The following ITGAE variants were observed in gnomAD, a reference collection of about 807,000 sequenced individuals.
The protein encoded by ITGAE is integrin alpha-E.
A neutral mutation model predicts 136.5 loss-of-function variants in ITGAE; 99 were observed. That is an observed-to-expected ratio of 0.73 (90% CI 0.62 to 0.86). The LOEUF is 0.86. ITGAE is among the 40% of genes least tolerant of loss of function. ITGAE has a pLI of 0.00. For synonymous variants in ITGAE, 613 were observed against 591.8 expected (o/e 1.04, Z -0.52); for missense variants, 1,447 against 1,515.3 (o/e 0.95, Z 0.75).
chr17:3,774,027 G>A (rs1421883789), intron 2 of ITGAE, among the ~76,000 whole-genome samples: 1 of 152,098 alleles, frequency 6.6e-6, no homozygotes, highest in Admixed American at 6.5e-5. Context: ...CAGTATCACA[G>A]GATCCAAGTC....
At chr17:3,741,317 G>A (rs1387753843) in intron 19 of ITGAE, among the ~76,000 whole-genome samples, 6 of 150,240 alleles carry the variant, frequency 4.0e-5, no homozygotes, top group Non-Finnish European at 8.9e-5. Context: ...TCGATCTCCT[G>A]ACCTCATGAT....
chr17:3,752,488 A>G (rs886897939), intron 14 of ITGAE, among the ~76,000 whole-genome samples: 12 of 152,152 alleles, frequency 7.9e-5, no homozygotes, highest in African/African-American at 2.9e-4. Flanking sequence ...GGGCGCGGTG[A>G]CTCACGCCCA....
At chr17:3,778,640 A>AT (rs903325206) in intron 1 of ITGAE, among the ~76,000 whole-genome samples, 25 of 152,118 alleles carry the variant, frequency 1.6e-4, no homozygotes, top group Admixed American at 5.2e-4. Context: ...TTTATGTGTG[A>AT]TTTTTTTTAT....
At chr17:3,729,353 A>G (rs747583751) in intron 24 of ITGAE, 125 bp downstream of exon 24, 80 of 738,052 alleles carry the variant, frequency 1.1e-4, no homozygotes, top group Non-Finnish European at 1.7e-4. Flanking sequence ...GGTTCTAAGC[A>G]GGCTCCTCTC....
At chr17:3,754,904 T>TGCCCCGCCCTCACCCAGGTGGCCTCCAG (rs2051966760) in intron 12 of ITGAE, among the ~76,000 whole-genome samples, 1 of 53,126 alleles carries the variant, frequency 1.9e-5, no homozygotes, top group East Asian at 4.9e-4. Context: ...GTGGCCTCCA[T>TGCCCCGCCCTCACCCAGGTGGCCTCCAG]GCCCCGCCCT....
At chr17:3,743,702 T>C (rs2051642307) in intron 18 of ITGAE, 85 bp from the exon 19 acceptor site, 2 of 1,304,994 alleles carry the variant, frequency 1.5e-6, no homozygotes, top group Non-Finnish European at 2.0e-6. Flanking sequence ...TTTTTCTTTT[T>C]TTCTTTTTTT....
rs532132211 is a variant in ITGAE at position 3,729,528 on chromosome 17, G to A, written c.2862C>T (p.Asn954=). The A allele has an allele frequency of 6.2e-6, 10 of 1,609,782 alleles. No individual in the cohort carries two copies. The highest frequency in any genetic ancestry group is 1.1e-5 in the South Asian group (1 of 90,958). Residue 954 remains asparagine (N), a synonymous_variant, in exon 24 of 31, where the codon AAC becomes AAT. Transcript: ENST00000263087. ...GCCTGAATTGAAGGGTGTGGGTCTC[G>A]TTGGCCAAAGACCGTCTTTCATTGG... ...TNSNERRSLA[N]ETHTLQFRHG...
chr17:3,726,009 C>A, intron 26 of ITGAE: 1 of 1,613,988 alleles, frequency 6.2e-7, no homozygotes, highest in Middle Eastern at 1.6e-4. Context: ...CACCCTGTCG[C>A]GCTTGGAACG....
chr17:3,791,741 A>G (rs1170107162), intron 1 of ITGAE, among the ~76,000 whole-genome samples: 2 of 152,202 alleles, frequency 1.3e-5, no homozygotes, highest in Admixed American at 1.3e-4. Flanking sequence ...ATGAATCAGA[A>G]TGGGGCTGGG....
intron 29 of ITGAE, among the ~76,000 whole-genome samples, chr17:3,719,701 T>C (rs1424528450): frequency 6.7e-6 from 1 of 148,702 alleles, no homozygotes; most frequent in African/African-American, 2.6e-5. Flanking sequence ...CAAAAAACAA[T>C]TTCTCACTTA....
intron 1 of ITGAE, among the ~76,000 whole-genome samples, chr17:3,783,991 C>T (rs958978764): frequency 8.5e-5 from 13 of 152,154 alleles, no homozygotes; most frequent in South Asian, 2.1e-4. Context: ...CGGGGCGCGG[C>T]GGCTCACGCC....
chr17:3,792,212 C>T (rs1337077857), intron 1 of ITGAE, among the ~76,000 whole-genome samples: 2 of 152,148 alleles, frequency 1.3e-5, no homozygotes, highest in Non-Finnish European at 2.9e-5. Flanking sequence ...GCCTCTGCCT[C>T]CCGGGTTCAA....
At chr17:3,753,681 C>G (rs1024313704) in intron 13 of ITGAE, 102 bp downstream of exon 13, 2 of 1,438,330 alleles carry the variant, frequency 1.4e-6, no homozygotes, top group African/African-American at 1.4e-5. Context: ...TCACCCAGCC[C>G]GGGCCCTGGC....
intron 13 of ITGAE, 76 bp downstream of exon 13, chr17:3,753,707 G>T: frequency 6.4e-7 from 1 of 1,566,884 alleles, no homozygotes; most frequent in Non-Finnish European, 8.7e-7. Context: ...GTGCACCGTG[G>T]GACCCACTCC....
chr17:3,753,408 T>C lies in ITGAE; in HGVS notation c.1550A>G (p.Glu517Gly). Residue 517 changes from glutamate (E) to glycine (G), a missense_variant, in exon 14 of 31, where the codon GAG becomes GGG. Transcript: ENST00000263087. ...GEQMGSYFGS[E>G]LCPVDIDMDG... ...CATGTCAATGTCCACAGGGCACAGC[T>C]CAGAGCCAAAATAGGACCCCATCTA... 6.2e-7 allele frequency: 1 copy of C among 1,614,018 alleles called. No individual in the cohort carries two copies. Among genetic ancestry groups the C allele is most frequent in the South Asian group, 1.1e-5 (1 of 91,076 alleles).
At chr17:3,732,314 G>T (rs953681537) in intron 22 of ITGAE, 54 bp downstream of exon 22, 3 of 1,330,516 alleles carry the variant, frequency 2.3e-6, no homozygotes, top group Non-Finnish European at 3.3e-6. Flanking sequence ...CCAAGATGCA[G>T]AAGACGCCAA....
intron 17 of ITGAE, among the ~76,000 whole-genome samples, chr17:3,746,198 G>A (rs370170651): frequency 1.3e-5 from 2 of 152,174 alleles, no homozygotes; most frequent in Admixed American, 6.5e-5. Flanking sequence ...AGGAGGGCTC[G>A]GGAAGGGGAT....
chr17:3,745,238 T>C (rs34715307), intron 18 of ITGAE, among the ~76,000 whole-genome samples: 4 of 152,142 alleles, frequency 2.6e-5, no homozygotes, highest in African/African-American at 9.6e-5. Flanking sequence ...AGGTGAGGTC[T>C]GATAACGCAT....
At chr17:3,790,106 C>G (rs11651728) in intron 1 of ITGAE, among the ~76,000 whole-genome samples, 51,405 of 151,968 alleles carry the variant, frequency 0.34, 10,402 homozygotes, top group Non-Finnish European at 0.47. Context: ...TAGGAAGGAT[C>G]TAAGGGCCCA....
Sources: gnomAD v4.1 joint callset for allele counts (sites outside exome capture counted in the v4.1 genomes callset) on GRCh38, gnomAD v4.1.1 for gene constraint, MANE v1.5 for transcripts, NCBI Gene and HGNC (gene_info 2026-07-23, HGNC 2026-07-21) for gene names.